The following NBPF11 variants were observed in gnomAD, a reference collection of about 807,000 sequenced individuals.
The protein encoded by NBPF11 is NBPF member 11, also known as NBPF family member NBPF11.
NBPF11 carries 72 observed loss-of-function variants against 93.9 expected under a neutral mutation model. That is an observed-to-expected ratio of 0.77 (90% CI 0.63 to 0.93). NBPF11 has a LOEUF of 0.93. NBPF11 is among the 40% of genes least tolerant of loss of function. The pLI is 0.00. For missense variants in NBPF11, 705 were observed against 802.2 expected (o/e 0.88, Z 1.46); for synonymous variants, 224 against 304.9 (o/e 0.73, Z 2.76).
intron 1 of NBPF11, among the ~76,000 whole-genome samples, chr1:148,145,206 T>TTA (rs1672808280): frequency 1.6e-5 from 2 of 123,718 alleles, no homozygotes; most frequent in East Asian, 5.2e-4. Context: ...TCTTTCTTTT[T>TTA]TTTTTTTTTT....
At chr1:148,150,570 A>G (rs1369132860) in intron 1 of NBPF11, among the ~76,000 whole-genome samples, 6 of 151,970 alleles carry the variant, frequency 3.9e-5, no homozygotes. Context: ...TTAAAAACAA[A>G]AAGAAAGCTA....
chr1:148,142,178 G>A (rs1202464162), intron 2 of NBPF11, among the ~76,000 whole-genome samples: 2 of 151,696 alleles, frequency 1.3e-5, no homozygotes, highest in Non-Finnish European at 2.9e-5. Flanking sequence ...GGGAAGAAAG[G>A]AAGGAAGGAA....
intron 2 of NBPF11, among the ~76,000 whole-genome samples, chr1:148,141,789 C>A (rs1471941215): frequency 6.6e-6 from 1 of 151,656 alleles, no homozygotes; most frequent in Non-Finnish European, 1.5e-5. Context: ...GTGGCACCCA[C>A]AAATCAGAGG....
intron 5 of NBPF11, among the ~76,000 whole-genome samples, chr1:148,126,130 A>G (rs1414050473): frequency 2.0e-5 from 3 of 151,568 alleles, no homozygotes; most frequent in Admixed American, 1.3e-4. Context: ...CCTCCCGATT[A>G]GTGGTGATTA....
Position 148,142,123 on chromosome 1 carries a change from G to C in NBPF11, c.-277+1292C>G, listed in dbSNP as rs1395546494. 4.0e-5 allele frequency among the ~76,000 whole-genome samples: 6 copies of C among 149,920 alleles called. 1 individual carries two copies. The highest frequency in any genetic ancestry group is 1.5e-4 in the African/African-American group (6 of 40,200). ...GAAGGAGGGAGGGAAAGAATAAAGA[G>C]AGAGAGAAAGAGAGTGGGAGGGAAG... On this transcript the variant is annotated intron_variant, in intron 2 of 23. Coordinates refer to ENST00000682118, the MANE Select transcript of NBPF11 (RefSeq NM_001385469.3).
chr1:148,146,873 G>C (rs1450772923), intron 1 of NBPF11: 25 of 1,613,616 alleles, frequency 1.5e-5, no homozygotes, highest in Admixed American at 3.3e-5. Flanking sequence ...CCTTCCGAGA[G>C]GAACCTCTAT....
At chr1:148,107,979 C>T (rs1241010640) in intron 18 of NBPF11, among the ~76,000 whole-genome samples, 16 of 151,338 alleles carry the variant, frequency 1.1e-4, no homozygotes, top group South Asian at 2.1e-4. Context: ...TCTGGTAGAT[C>T]GTTATCCCAA....
intron 1 of NBPF11, among the ~76,000 whole-genome samples, chr1:148,144,446 T>G (rs1672671523): frequency 6.6e-6 from 1 of 151,740 alleles, no homozygotes; most frequent in Admixed American, 6.6e-5. Context: ...GTTCATTCAT[T>G]CATTCATTTA....
intron 9 of NBPF11, 68 bp from the exon 10 acceptor site, chr1:148,120,778 C>G: frequency 1.8e-6 from 2 of 1,123,010 alleles, no homozygotes; most frequent in Non-Finnish European, 2.7e-6. Flanking sequence ...TTAATCAGGA[C>G]TGAGGGATGT....
chr1:148,119,510 C>T (rs1236552978), intron 10 of NBPF11, among the ~76,000 whole-genome samples: 13 of 151,648 alleles, frequency 8.6e-5, no homozygotes, highest in Non-Finnish European at 1.5e-4. Context: ...GAGACAGGCC[C>T]ACGGTCCCTG....
At chr1:148,146,867 C>A in intron 1 of NBPF11, 2 of 1,613,750 alleles carry the variant, frequency 1.2e-6, no homozygotes, top group Non-Finnish European at 1.7e-6. Flanking sequence ...GGCAGGCCTT[C>A]CGAGAGGAAC....
intron 5 of NBPF11, among the ~76,000 whole-genome samples, chr1:148,126,435 C>T (rs1300617002): frequency 6.6e-6 from 1 of 151,310 alleles, no homozygotes; most frequent in African/African-American, 2.4e-5. Flanking sequence ...CAGAGCTTTG[C>T]CTGTTGGGCC....
chr1:148,133,290 T>G (rs2149270502), intron 4 of NBPF11, among the ~76,000 whole-genome samples: 2 of 152,038 alleles, frequency 1.3e-5, no homozygotes, highest in East Asian at 3.9e-4. Context: ...CTTCAATTCT[T>G]TCTTTTCAAT....
intron 9 of NBPF11, among the ~76,000 whole-genome samples, chr1:148,121,464 C>T (rs1433565375): frequency 6.6e-6 from 1 of 150,712 alleles, no homozygotes; most frequent in Non-Finnish European, 1.5e-5. Flanking sequence ...TCTCCTGCCT[C>T]AGCCTCCTGA....
chr1:148,112,055 T>G (rs1467777563), intron 15 of NBPF11, among the ~76,000 whole-genome samples: 2 of 144,958 alleles, frequency 1.4e-5, no homozygotes, highest in Admixed American at 1.4e-4. Flanking sequence ...GCAGATCTCT[T>G]GGCACAAACC....
rs1553271911 is a variant in NBPF11, at chr1:148,122,791, T to C, written c.504A>G (p.Glu168=). The C allele has an allele frequency of 3.1e-6, 5 of 1,609,950 alleles. No individual in the cohort carries two copies. The highest frequency in any genetic ancestry group is 4.2e-6 in the Non-Finnish European group (5 of 1,177,826). The change falls in exon 8 of 24, where the codon GAA becomes GAG. Residue 168 remains glutamate, a synonymous_variant. Coordinates refer to ENST00000682118, the MANE Select transcript of NBPF11 (RefSeq NM_001385469.3). ...CAACTTGAACATCTTCATCCTCATC[T>C]TCGTCATTTTCTATAAATACAAAAT... The part of the protein sequence containing the change: ...LVQKLSPEND[E]DEDEDVQVEE...
chr1:148,105,475 A>T lies in NBPF11; in HGVS notation c.2357T>A (p.Leu786Gln). ...VVEPEVLQDS[L>Q]DVIQLLPVVL... is the part of the protein sequence containing the mutation. ...AACTGGAAGGAGTTGAATAACATCC[A>T]GTGAGTCCTGCAAGACTTCAGGCTC... Residue 786 changes from leucine (L) to glutamine (Q), a missense_variant, in exon 22 of 24, where the codon CTG becomes CAG. Around this residue, in one of 12 missense-constraint regions of NBPF11, gnomAD observed 109 missense variants for 83.3 expected, o/e 1.31. Transcript: ENST00000682118. 2 of 1,121,340 alleles carry T rather than the reference A, an allele frequency of 1.8e-6. No individual in the cohort carries two copies. The highest frequency in any genetic ancestry group is 2.6e-5 in the South Asian group (2 of 76,654). 69.5% of individuals were successfully genotyped at this position (1,121,340 alleles called of 1,614,324 possible). A position where few individuals can be genotyped will look rare whatever the true frequency, so the allele number is the denominator to read the frequency against.
chr1:148,105,565 G>A (rs1206634612), intron 21 of NBPF11, 37 bp from the exon 22 acceptor site: 2 of 721,564 alleles, frequency 2.8e-6, no homozygotes, highest in Non-Finnish European at 2.5e-6. Context: ...TAAGCCAGGG[G>A]AAATCACACA....
At chr1:148,106,419 G>A (rs2149169754) in intron 20 of NBPF11, among the ~76,000 whole-genome samples, 187 bp from the exon 21 acceptor site, 1 of 148,136 alleles carries the variant, frequency 6.8e-6, no homozygotes, top group East Asian at 2.0e-4. Flanking sequence ...CAGAACCAAG[G>A]GTGAAATATC....
Sources: allele counts gnomAD v4.1 joint callset (sites outside exome capture counted in the v4.1 genomes callset), GRCh38; gene constraint gnomAD v4.1.1; regional missense constraint gnomAD v4.1.1; transcripts MANE v1.5; gene names NCBI Gene and HGNC (gene_info 2026-07-23, HGNC 2026-07-21).